The following NAA35 variants were observed in gnomAD, a reference collection of about 807,000 sequenced individuals.
NAA35 encodes the protein N-alpha-acetyltransferase 35, NatC auxiliary subunit, also known as MAK10 homolog, amino-acid N-acetyltransferase subunit.
In NAA35, 18 loss-of-function variants were observed where a neutral mutation model predicts 101.7. The ratio of observed to expected loss-of-function variants is 0.18; its 90% CI spans 0.12 to 0.26. The LOEUF (loss-of-function observed/expected upper bound fraction) is 0.26. Among genes scored for constraint, NAA35 ranks in the 10% least tolerant of loss-of-function variants. The pLI is 1.00. For missense variants in NAA35, 601 were observed against 886.8 expected (o/e 0.68, Z 4.09); for synonymous variants, 267 against 273.1 (o/e 0.98, Z 0.22).
At position 86,023,962 on chromosome 9, in the gene NAA35, G is replaced by T. The variant is rs1435721069; in HGVS notation, c.*2002G>T. 6.6e-6 allele frequency among the ~76,000 whole-genome samples: 1 copy of T among 152,166 alleles called. No individual in the cohort carries two copies. Among genetic ancestry groups the T allele is most frequent in the Non-Finnish European group, 1.5e-5 (1 of 68,034 alleles). ...GCCCCCAGAGTAGCTGGGATTATAGGCAAATGCCTGCTTGGCTAGTTTTTG... is the reference window on the plus strand; with the variant it reads ...GCCCCCAGAGTAGCTGGGATTATAGTCAAATGCCTGCTTGGCTAGTTTTTG... On this transcript the variant is annotated 3_prime_UTR_variant, in exon 23 of 23. Transcript: ENST00000361671.
intron 1 of NAA35, 118 bp from the exon 2 acceptor site, chr9:85,942,037 T>C: frequency 6.9e-7 from 1 of 1,441,190 alleles, no homozygotes. Flanking sequence ...CTCAGAAGAG[T>C]TCTGCTTTAA....
In NAA35 at chr9:86,023,201, C is replaced by T. The variant is rs1285033966; in HGVS notation, c.*1241C>T. 6.6e-6 allele frequency among the ~76,000 whole-genome samples: 1 copy of T among 152,066 alleles called. No individual in the cohort carries two copies. The highest frequency in any genetic ancestry group is 1.5e-5 in the Non-Finnish European group (1 of 68,004). ...CGGTAATACTTGTGTTATTCAAGAA[C>T]AGCCATTAGGTGTCCTGAAATTTCA... is the stretch of plus-strand genomic sequence containing the variant. On this transcript the variant is annotated 3_prime_UTR_variant, in exon 23 of 23. Coordinates refer to ENST00000361671, the MANE Select transcript of NAA35 (RefSeq NM_024635.4).
chr9:85,993,014 G>A (rs1438980989), intron 11 of NAA35, among the ~76,000 whole-genome samples: 1 of 152,024 alleles, frequency 6.6e-6, no homozygotes, highest in Admixed American at 6.5e-5. Flanking sequence ...TATGTGAATG[G>A]ATAAGTTATG....
intron 14 of NAA35, among the ~76,000 whole-genome samples, chr9:86,008,149 G>A (rs981108403): frequency 4.6e-5 from 7 of 152,166 alleles, no homozygotes; most frequent in African/African-American, 1.7e-4. Flanking sequence ...TGCAACCTCC[G>A]CCTCCTAGGT....
Position 86,017,574 on chromosome 9 carries a change from TTGAAAG to T in NAA35, c.1773+14_1773+19del. Reference sequence around the variant, plus strand: ...GTGCTGGAATGTTTAAAGTAAGTTGTTGAAAGTGAAGTTCTTTTTGCCTTTTAGCTA... The same window carrying T: ...GTGCTGGAATGTTTAAAGTAAGTTGTTGAAGTTCTTTTTGCCTTTTAGCTA... On this transcript the variant is annotated intron_variant, in intron 19 of 22. Coordinates refer to ENST00000361671, the MANE Select transcript of NAA35 (RefSeq NM_024635.4). 6.2e-7 allele frequency: 1 copy of T among 1,611,842 alleles called. No homozygotes were observed. The highest frequency in any genetic ancestry group is 8.5e-7 in the Non-Finnish European group (1 of 1,178,554).
At chr9:85,967,195 G>A (rs1254215184) in intron 6 of NAA35, among the ~76,000 whole-genome samples, 1 of 151,996 alleles carries the variant, frequency 6.6e-6, no homozygotes, top group Non-Finnish European at 1.5e-5. Flanking sequence ...TGCCACATAG[G>A]GTTATGGTTG....
chr9:85,977,884 G>A (rs1830279065), intron 10 of NAA35, among the ~76,000 whole-genome samples: 1 of 151,642 alleles, frequency 6.6e-6, no homozygotes, highest in African/African-American at 2.4e-5. Flanking sequence ...GTGGTGAATA[G>A]GGATCCAATT....
At chr9:85,980,571 C>A (rs1830397787) in intron 11 of NAA35, among the ~76,000 whole-genome samples, 1 of 152,170 alleles carries the variant, frequency 6.6e-6, no homozygotes, top group Non-Finnish European at 1.5e-5. Flanking sequence ...GCCTCTGTTA[C>A]ATTTTCTTGT....
In NAA35 at chr9:85,968,500, C is replaced by T. The variant is rs1044520597; in HGVS notation, c.516+6320C>T. Among the ~76,000 whole-genome samples, 6 of 152,100 alleles carry T rather than the reference C, an allele frequency of 3.9e-5. No individual in the cohort carries two copies. The South Asian group carries it at 8.3e-4, about 21-fold the overall frequency. The stretch of plus-strand genomic sequence containing the variant: ...TGCTGGAATTACAAGTGTGAGCCAC[C>T]GTGCCCGGCCAAATTTGTTATGTGA... On this transcript the variant is annotated intron_variant, in intron 6 of 22. Coordinates refer to ENST00000361671, the MANE Select transcript of NAA35 (RefSeq NM_024635.4).
At chr9:85,952,972 A>G (rs1056908911) in intron 2 of NAA35, among the ~76,000 whole-genome samples, 1 of 152,156 alleles carries the variant, frequency 6.6e-6, no homozygotes, top group African/African-American at 2.4e-5. Flanking sequence ...GCACTTTAGG[A>G]CGCCAAGGCG....
intron 11 of NAA35, among the ~76,000 whole-genome samples, chr9:85,985,286 C>T (rs1182819075): frequency 6.6e-6 from 1 of 152,114 alleles, no homozygotes; most frequent in Non-Finnish European, 1.5e-5. Flanking sequence ...ATGAAAACAT[C>T]CAAACAAAAA....
chr9:85,984,840 C>T (rs1362419902), intron 11 of NAA35, among the ~76,000 whole-genome samples: 1 of 152,164 alleles, frequency 6.6e-6, no homozygotes, highest in Non-Finnish European at 1.5e-5. Flanking sequence ...AAGTTGGATA[C>T]TCCCCATCAC....
rs986202086 is a variant in NAA35, at chr9:86,023,423, CA to C, written c.*1466del. On this transcript the variant is annotated 3_prime_UTR_variant, in exon 23 of 23. Transcript: ENST00000361671. ...GGTAGGAAATAGGCAAGACAAGAAA[CA>C]AAGAATCAAAAGAAAAAGCAAAGAG... Among the ~76,000 whole-genome samples, 14 of 151,868 alleles carry C rather than the reference CA, an allele frequency of 9.2e-5. No homozygotes were observed. Among genetic ancestry groups the C allele is most frequent in the African/African-American group, 3.4e-4 (14 of 41,322 alleles).
chr9:86,010,006 T>C (rs1831829598), intron 15 of NAA35, 75 bp downstream of exon 15: 3 of 1,182,064 alleles, frequency 2.5e-6, no homozygotes, highest in Non-Finnish European at 2.5e-6. Flanking sequence ...GGTGGCTCAC[T>C]TTGGGAGGCT....
chr9:86,000,026 A>G (rs1032557274), intron 12 of NAA35, among the ~76,000 whole-genome samples: 4 of 152,136 alleles, frequency 2.6e-5, no homozygotes, highest in Non-Finnish European at 5.9e-5. Flanking sequence ...TTACATAAAT[A>G]AACACTTGGC....
intron 11 of NAA35, among the ~76,000 whole-genome samples, chr9:85,984,574 T>G (rs543718909): frequency 1.3e-5 from 2 of 152,100 alleles, no homozygotes; most frequent in East Asian, 3.9e-4. Flanking sequence ...GCAGCAGTAG[T>G]GGAAATTAGA....
chr9:86,022,069 G>C lies in NAA35; in HGVS notation c.*109G>C, dbSNP rs1832587600. On this transcript the variant is annotated 3_prime_UTR_variant, in exon 23 of 23. Coordinates refer to ENST00000361671, the MANE Select transcript of NAA35 (RefSeq NM_024635.4). ...ACGGGAAGTGAGATGGATTTCTTGG[G>C]TAACAACTCATTATAAGGAATACTT... 1.3e-6 allele frequency: 1 copy of C among 785,296 alleles called. No individual in the cohort carries two copies. Among genetic ancestry groups the C allele is most frequent in the Admixed American group, 2.7e-5 (1 of 36,702 alleles). 48.6% of individuals were successfully genotyped at this position (785,296 alleles called of 1,614,324 possible). A position where few individuals can be genotyped will look rare whatever the true frequency, so the allele number is the denominator to read the frequency against.
rs530394625 is a variant in NAA35 at position 86,006,650 on chromosome 9, G to A, written c.1117-708G>A. On this transcript the variant is annotated intron_variant, in intron 13 of 22. Coordinates refer to ENST00000361671, the MANE Select transcript of NAA35 (RefSeq NM_024635.4). The stretch of plus-strand genomic sequence containing the variant: ...GCCAGGGGTTTGGGGCGGGAGGAGC[G>A]TTTGACCACAAAGGGATCACATGAG... Among the ~76,000 whole-genome samples, 38 of 152,238 alleles carry A rather than the reference G, an allele frequency of 2.5e-4. No homozygotes were observed. In the South Asian group the frequency reaches 6.6e-3, roughly 27 times the overall value.
At chr9:85,997,870 C>T (rs1649186023) in intron 12 of NAA35, among the ~76,000 whole-genome samples, 1 of 152,078 alleles carries the variant, frequency 6.6e-6, no homozygotes, top group African/African-American at 2.4e-5. Context: ...TATACACATA[C>T]ATACATACAT....
Sources: gnomAD v4.1 joint callset for allele counts (sites outside exome capture counted in the v4.1 genomes callset) on GRCh38, gnomAD v4.1.1 for gene constraint, MANE v1.5 for transcripts, NCBI Gene and HGNC (gene_info 2026-07-23, HGNC 2026-07-21) for gene names.